Variants in CPB1 observed in about 807,000 individuals in gnomAD.
CPB1 encodes the protein carboxypeptidase B1, also known as carboxypeptidase B.
Under a neutral mutation model 51.4 loss-of-function variants are expected in CPB1, and 53 were observed. The ratio of observed to expected loss-of-function variants is 1.03; its 90% CI spans 0.83 to 1.30. CPB1 has a LOEUF of 1.30. CPB1 is among the 50% of genes most tolerant of loss of function. CPB1 has a pLI of 0.00. For missense variants in CPB1, 494 were observed against 516.2 expected, an observed-to-expected ratio of 0.96 and a Z score of 0.42; for synonymous variants, 189 against 186.9, an observed-to-expected ratio of 1.01 and a Z score of -0.09.
chr3:148,829,729 C>T (rs1396164512), intron 2 of CPB1, among the ~76,000 whole-genome samples: 1 of 152,142 alleles, frequency 6.6e-6, no homozygotes, highest in Non-Finnish European at 1.5e-5. Context: ...TAAAAGAAAA[C>T]ATTAAATAGG....
chr3:148,833,663 A>C (rs1416447163), intron 2 of CPB1, among the ~76,000 whole-genome samples: 1 of 152,092 alleles, frequency 6.6e-6, no homozygotes, highest in African/African-American at 2.4e-5. Flanking sequence ...AGAATAACAG[A>C]CACCTACAAG....
intron 2 of CPB1, 45 bp from the exon 3 acceptor site, chr3:148,834,453 A>G (rs1280835736): frequency 6.4e-7 from 1 of 1,570,172 alleles, no homozygotes. Context: ...ATTATCCTTC[A>G]TCCATTGAAT....
chr3:148,853,354 A>G (rs3772592), intron 9 of CPB1, among the ~76,000 whole-genome samples: 63,178 of 151,990 alleles, frequency 0.42, 13,739 homozygotes, highest in East Asian at 0.54. Context: ...TTTCTTTATC[A>G]TATATTCGAT....
At chr3:148,840,619 T>C in intron 3 of CPB1, 67 bp from the exon 4 acceptor site, 1 of 1,369,802 alleles carries the variant, frequency 7.3e-7, no homozygotes, top group Non-Finnish European at 1.0e-6. Flanking sequence ...GCTCTGGGGT[T>C]TTATGTGTGT....
chr3:148,842,770 C>G (rs1282488367), intron 6 of CPB1, among the ~76,000 whole-genome samples: 1 of 151,908 alleles, frequency 6.6e-6, no homozygotes, highest in Non-Finnish European at 1.5e-5. Flanking sequence ...AAAGGGAAAA[C>G]TTAGAGTGGA....
intron 3 of CPB1, among the ~76,000 whole-genome samples, chr3:148,839,361 C>T (rs184192364): frequency 1.5e-4 from 23 of 152,120 alleles, no homozygotes; most frequent in Non-Finnish European, 2.8e-4. Flanking sequence ...TGCTAACCTA[C>T]AGAACTATAA....
rs1044101005 is a variant in CPB1, at chr3:148,845,433, C to A, written c.788C>A (p.Ala263Asp). 6.2e-7 allele frequency: 1 copy of A among 1,613,614 alleles called. No homozygotes were observed. The highest frequency in any genetic ancestry group is 8.5e-7 in the Non-Finnish European group (1 of 1,179,734). ...NFDAGWCEIGASRNPCDETYC... is the reference protein window; with the variant it reads ...NFDAGWCEIGDSRNPCDETYC... Reference sequence around the variant, plus strand: ...TCATATGTTTTTCCAGAAATTGGAGCCTCTCGAAACCCCTGTGATGAAACT... The same window carrying A: ...TCATATGTTTTTCCAGAAATTGGAGACTCTCGAAACCCCTGTGATGAAACT... Residue 263 changes from alanine (A) to aspartate (D), a missense_variant, in exon 9 of 11, where the codon GCC (alanine) becomes GAC (aspartate). By Grantham distance (126) the Ala-to-Asp change is moderately radical. Transcript: ENST00000282957.
chr3:148,856,700 G>T (rs1032034343), intron 9 of CPB1: 1 of 152,206 alleles, frequency 6.6e-6, no homozygotes, highest in South Asian at 2.1e-4. Flanking sequence ...TGAGCGCAGA[G>T]AGCCTTTCCC....
chr3:148,845,805 A>C (rs954964078), intron 9 of CPB1, among the ~76,000 whole-genome samples, 179 bp downstream of exon 9: 5 of 152,182 alleles, frequency 3.3e-5, no homozygotes, highest in African/African-American at 1.2e-4. Flanking sequence ...AAAGAAATAC[A>C]ATTTTCACGC....
intron 6 of CPB1, 89 bp from the exon 7 acceptor site, chr3:148,844,389 C>A: frequency 1.1e-6 from 1 of 928,818 alleles, no homozygotes; most frequent in Non-Finnish European, 1.7e-6. Flanking sequence ...GCTCTTATTA[C>A]CAAAGTTAAC....
chr3:148,842,077 T>C (rs74283797), intron 6 of CPB1, among the ~76,000 whole-genome samples, 153 bp downstream of exon 6: 5,922 of 152,294 alleles, frequency 0.039, 210 homozygotes, highest in East Asian at 0.12. Context: ...CCAACAGACC[T>C]TTATAAGGCA....
At chr3:148,839,573 AG>A (rs1713015692) in intron 3 of CPB1, among the ~76,000 whole-genome samples, 1 of 152,202 alleles carries the variant, frequency 6.6e-6, no homozygotes, top group Non-Finnish European at 1.5e-5. Flanking sequence ...ATCTTTTGCT[AG>A]GAAACAGATT....
intron 2 of CPB1, among the ~76,000 whole-genome samples, chr3:148,834,259 T>G (rs1712825459): frequency 6.6e-6 from 1 of 152,214 alleles, no homozygotes; most frequent in Admixed American, 6.5e-5. Context: ...GGGAAATGAT[T>G]CTATGTTTTT....
At chr3:148,850,854 CAA>C (rs1378549303) in intron 9 of CPB1, 1 of 152,102 alleles carries the variant, frequency 6.6e-6, no homozygotes, top group Non-Finnish European at 1.5e-5. Context: ...GCTTTAGGCA[CAA>C]AACATCTGCT....
chr3:148,831,739 T>C (rs1712744038), intron 2 of CPB1, among the ~76,000 whole-genome samples: 1 of 152,194 alleles, frequency 6.6e-6, no homozygotes, highest in Non-Finnish European at 1.5e-5. Flanking sequence ...TAACTTCAGT[T>C]TTCTAACTTC....
chr3:148,833,436 T>C (rs970023062), intron 2 of CPB1, among the ~76,000 whole-genome samples: 17 of 152,162 alleles, frequency 1.1e-4, no homozygotes, highest in Middle Eastern at 3.2e-3. Context: ...CTTACAGTAT[T>C]ACCTTGTCAG....
intron 2 of CPB1, among the ~76,000 whole-genome samples, chr3:148,833,660 CAGACACCTACA>C (rs1422490161): frequency 6.6e-6 from 1 of 152,010 alleles, no homozygotes; most frequent in Non-Finnish European, 1.5e-5. Context: ...AAGAGAATAA[CAGACACCTACA>C]AGACACAGTA....
intron 2 of CPB1, among the ~76,000 whole-genome samples, chr3:148,834,196 G>GA (rs1712824216): frequency 6.6e-6 from 1 of 152,080 alleles, no homozygotes; most frequent in African/African-American, 2.4e-5. Flanking sequence ...TAGTGATCCA[G>GA]AAAATCAATA....
chr3:148,846,614 C>G (rs1053932430), intron 9 of CPB1, among the ~76,000 whole-genome samples: 1 of 150,502 alleles, frequency 6.6e-6, no homozygotes, highest in Admixed American at 6.6e-5. Flanking sequence ...ATTTTGAGAA[C>G]AAATCAGAAA....
Sources: gnomAD v4.1 joint callset for allele counts (sites outside exome capture counted in the v4.1 genomes callset) on GRCh38, gnomAD v4.1.1 for gene constraint, MANE v1.5 for transcripts, NCBI Gene and HGNC (gene_info 2026-07-23, HGNC 2026-07-21) for gene names.